SHC2: variants seen among roughly 807,000 people sequenced by gnomAD.
The protein encoded by SHC2 is SHC-transforming protein 2.
In SHC2, 62 loss-of-function variants were observed where a neutral mutation model predicts 60.6. That is an observed-to-expected ratio of 1.02 (90% CI 0.83 to 1.26). The LOEUF is 1.26. Among genes scored for constraint, SHC2 ranks in the 50% most tolerant of loss-of-function variants. The pLI is 0.00. For synonymous variants in SHC2, 375 were observed against 372.4 expected (o/e 1.01, Z -0.08); for missense variants, 873 against 822.2 (o/e 1.06, Z -0.76).
rs992357870 is a variant in SHC2 at position 422,446 on chromosome 19, C to T, written c.1320G>A (p.Glu440=). ...KKDLFDMRPF[E]DALKLHECSV... is the part of the protein sequence containing the mutation. The stretch of plus-strand genomic sequence containing the variant: ...AGCACTCATGCAACTTCAGGGCATC[C>T]TCAAAGGGTCCTGCAGGCCAGGGAC... The change falls in exon 11 of 13, where the codon GAG becomes GAA. Residue 440 remains glutamate, a synonymous_variant. Coordinates refer to ENST00000264554, the MANE Select transcript of SHC2 (RefSeq NM_012435.3). The surrounding 1 kb of genome is among the most constrained non-coding windows in gnomAD (Gnocchi z 5.0). The T allele has an allele frequency of 1.3e-6, 2 of 1,553,556 alleles. No individual in the cohort carries two copies. Among genetic ancestry groups the T allele is most frequent in the African/African-American group, 2.7e-5 (2 of 73,810 alleles).
chr19:422,990 CAG>C lies in SHC2; in HGVS notation c.1310-536_1310-535del, dbSNP rs1405244850. On this transcript the variant is annotated intron_variant, in intron 10 of 12. Coordinates refer to ENST00000264554, the MANE Select transcript of SHC2 (RefSeq NM_012435.3). The surrounding 1 kb of genome is among the most constrained non-coding windows in gnomAD (Gnocchi z 5.0). ...GAGTGTCAGTCCCCTCATTGTCAAA[CAG>C]GGGTGGGCGTGTCCCCAGGCAGAAA... Among the ~76,000 whole-genome samples the C allele has an allele frequency of 1.3e-5, 2 of 152,210 alleles. No individual in the cohort carries two copies. Among genetic ancestry groups the C allele is most frequent in the Admixed American group, 6.5e-5 (1 of 15,282 alleles).
At chr19:456,058 C>G (rs1023859021) in intron 1 of SHC2, among the ~76,000 whole-genome samples, 9 of 152,184 alleles carry the variant, frequency 5.9e-5, no homozygotes, top group Non-Finnish European at 1.0e-4. Context: ...ACCCTCAGCC[C>G]CGGGTTCTGG....
intron 11 of SHC2, among the ~76,000 whole-genome samples, chr19:421,794 C>T (rs1214217141): frequency 3.3e-5 from 5 of 152,108 alleles, no homozygotes. Flanking sequence ...CCTGTAGTCC[C>T]AGCTACTCAG....
intron 1 of SHC2, among the ~76,000 whole-genome samples, chr19:460,093 G>A (rs762209132): frequency 1.2e-4 from 19 of 152,228 alleles, no homozygotes; most frequent in Non-Finnish European, 1.3e-4. Context: ...CTGGAATCCT[G>A]GGGTCTGTCC....
intron 1 of SHC2, among the ~76,000 whole-genome samples, chr19:449,373 A>T (rs1975123082): frequency 6.6e-6 from 1 of 151,574 alleles, no homozygotes; most frequent in Admixed American, 6.6e-5. Flanking sequence ...AAAAGAAAAA[A>T]AAAGGCAGGA....
chr19:421,283 C>A, intron 11 of SHC2, among the ~76,000 whole-genome samples: 1 of 150,542 alleles, frequency 6.6e-6, no homozygotes, highest in South Asian at 2.1e-4. Flanking sequence ...ACCTGTAATC[C>A]TAGGTACTGG....
Position 460,548 on chromosome 19 carries a change from C to G in SHC2, c.449G>C (p.Gly150Ala). The G allele has an allele frequency of 1.4e-6, 2 of 1,409,452 alleles. No individual in the cohort carries two copies. The highest frequency in any genetic ancestry group is 9.3e-7 in the Non-Finnish European group (1 of 1,076,578). The allele number at this position is 1,409,452 out of a possible 1,614,324, so 87.3% of individuals were successfully genotyped here. A position where few individuals can be genotyped will look rare whatever the true frequency, so the allele number is the denominator to read the frequency against. ...LHPDARVLGP[G>A]VSYVVRYMGC... ...ACTCACCCGCACGACGTAGGAGACCCCGGGCCCCAGGACCCTGGCGTCGGG... is the reference window on the plus strand; with the variant it reads ...ACTCACCCGCACGACGTAGGAGACCGCGGGCCCCAGGACCCTGGCGTCGGG... Residue 150 changes from glycine to alanine, a missense_variant, in exon 1 of 13, where the codon GGG becomes GCG. Physicochemically the swap from Gly to Ala is moderately conservative, Grantham distance 60. Transcript: ENST00000264554.
chr19:436,542 G>A (rs777455817), intron 5 of SHC2, 88 bp downstream of exon 5: 37 of 1,581,748 alleles, frequency 2.3e-5, no homozygotes, highest in East Asian at 1.1e-4. Flanking sequence ...CACAGGGTAC[G>A]TTAGGCGGGC....
intron 8 of SHC2, among the ~76,000 whole-genome samples, chr19:434,152 G>C (rs929962499): frequency 4.8e-5 from 7 of 146,118 alleles, no homozygotes; most frequent in African/African-American, 1.8e-4. Flanking sequence ...GCTTCATCGT[G>C]AGTGAGATAG....
Position 440,755 on chromosome 19 carries a change from G to A in SHC2, c.539+107C>T. On this transcript the variant is annotated intron_variant, in intron 2 of 12. Transcript: ENST00000264554. This position sits in a 1 kb window ranked among gnomAD's most constrained non-coding sequence, Gnocchi z 7.0. ...TGGGGGGCACCGAGGCTGCGTCCTGGGACCCCAGCGCGGCTGTCGGAGAGC... is the reference window on the plus strand; with the variant it reads ...TGGGGGGCACCGAGGCTGCGTCCTGAGACCCCAGCGCGGCTGTCGGAGAGC... 1 of 955,736 alleles carries A rather than the reference G, an allele frequency of 1.0e-6. No individual in the cohort carries two copies. Among genetic ancestry groups the A allele is most frequent in the African/African-American group, 1.6e-5 (1 of 62,736 alleles). The allele number at this position is 955,736 out of a possible 1,614,324, so 59.2% of individuals were successfully genotyped here. A position where few individuals can be genotyped will look rare whatever the true frequency, so the allele number is the denominator to read the frequency against.
At chr19:454,611 A>C (rs1025870179) in intron 1 of SHC2, among the ~76,000 whole-genome samples, 8 of 152,108 alleles carry the variant, frequency 5.3e-5, no homozygotes, top group Admixed American at 5.2e-4. Context: ...ACAGGGTGAA[A>C]CCCCATCTCT....
rs1320068979 is a variant in SHC2 at position 457,146 on chromosome 19, AC to A, written c.468+3382del. ...GCCCCGACTAGAACTCTGTCTGCAA[AC>A]CCCACCACATCAGGCCTTTGCACCA... On this transcript the variant is annotated intron_variant, in intron 1 of 12. Coordinates refer to ENST00000264554, the MANE Select transcript of SHC2 (RefSeq NM_012435.3). Among the ~76,000 whole-genome samples the A allele has an allele frequency of 2.1e-3, 260 of 124,912 alleles. 2 individuals are homozygous for A. Among genetic ancestry groups the A allele is most frequent in the African/African-American group, 3.2e-3 (96 of 29,832 alleles). 81.9% of individuals were successfully genotyped at this position (124,912 alleles called of 152,430 possible). A position where few individuals can be genotyped will look rare whatever the true frequency, so the allele number is the denominator to read the frequency against.
At chr19:434,945 G>T in intron 7 of SHC2, 80 bp from the exon 8 acceptor site, 1 of 1,439,150 alleles carries the variant, frequency 6.9e-7, no homozygotes, top group East Asian at 2.4e-5. Flanking sequence ...TTCTGGGGGA[G>T]CAGGAAATAT....
rs940149198 is a variant in SHC2, at chr19:439,038, T to TG, written c.540-9dup. On this transcript the variant is annotated splice_polypyrimidine_tract_variant and intron_variant, in intron 2 of 12. Coordinates refer to ENST00000264554, the MANE Select transcript of SHC2 (RefSeq NM_012435.3). ...AGCCGGTTGATGGCTTCCCTGGGGTTGGGAGGAGGGGGCTTAGAGAGTGTG... is the reference window on the plus strand; with the variant it reads ...AGCCGGTTGATGGCTTCCCTGGGGTTGGGGAGGAGGGGGCTTAGAGAGTGTG... 3 of 1,335,502 alleles carry TG rather than the reference T, an allele frequency of 2.2e-6. No homozygotes were observed. The African/African-American group carries it at 5.7e-5, about 25-fold the overall frequency. 82.7% of individuals were successfully genotyped at this position (1,335,502 alleles called of 1,614,324 possible). A position where few individuals can be genotyped will look rare whatever the true frequency, so the allele number is the denominator to read the frequency against.
At chr19:458,283 A>G (rs1482649194) in intron 1 of SHC2, among the ~76,000 whole-genome samples, 5 of 112,660 alleles carry the variant, frequency 4.4e-5, no homozygotes, top group Non-Finnish European at 7.2e-5. Context: ...GGGAGGCGGA[A>G]GTGGGTCCCG....
chr19:440,186 G>A lies in SHC2; in HGVS notation c.539+676C>T, dbSNP rs1974829498. Among the ~76,000 whole-genome samples, 2 of 151,984 alleles carry A rather than the reference G, an allele frequency of 1.3e-5. No homozygotes were observed. Among genetic ancestry groups the A allele is most frequent in the Admixed American group, 6.5e-5 (1 of 15,270 alleles). On this transcript the variant is annotated intron_variant, in intron 2 of 12. Coordinates refer to ENST00000264554, the MANE Select transcript of SHC2 (RefSeq NM_012435.3). This position sits in a 1 kb window ranked among gnomAD's most constrained non-coding sequence, Gnocchi z 7.0. ...AGGACAGGCCGATCCACAGAGACAG[G>A]GAGGGGATGCGTGGGTGCCGGGGCT...
intron 1 of SHC2, among the ~76,000 whole-genome samples, chr19:454,106 G>A (rs941558660): frequency 5.3e-5 from 8 of 152,188 alleles, no homozygotes; most frequent in Non-Finnish European, 5.9e-5. Context: ...CACCCAGACC[G>A]AGCTGTCCAG....
chr19:425,185 CGGGGG>C lies in SHC2; in HGVS notation c.1216_1220del (p.Pro406GlyfsTer28), dbSNP rs1255366589. 1 of 1,344,632 alleles carries C rather than the reference CGGGGG, an allele frequency of 7.4e-7. No homozygotes were observed. The highest frequency in any genetic ancestry group is 1.5e-5 in the African/African-American group (1 of 66,522). The allele number at this position is 1,344,632 out of a possible 1,614,324, so 83.3% of individuals were successfully genotyped here. ...TGACATACAGGTGCTCCTCGTGGTC[CGGGGG>C]GCCCCGGGCGTCCGCCTGCACGTAG... On this transcript the variant is annotated frameshift_variant, in exon 10 of 13. Transcript: ENST00000264554. LOFTEE classifies it high-confidence loss of function. This position sits in a 1 kb window ranked among gnomAD's most constrained non-coding sequence, Gnocchi z 4.1.
chr19:418,655 C>A (rs1974204613), intron 12 of SHC2, among the ~76,000 whole-genome samples: 1 of 152,120 alleles, frequency 6.6e-6, no homozygotes, highest in Admixed American at 6.5e-5. Flanking sequence ...CCAGGACAGG[C>A]CCATCCACAG....
Sources: allele counts gnomAD v4.1 joint callset (sites outside exome capture counted in the v4.1 genomes callset), GRCh38; gene constraint gnomAD v4.1.1; non-coding constraint Gnocchi (gnomAD v3.1); transcripts MANE v1.5; gene names NCBI Gene and HGNC (gene_info 2026-07-23, HGNC 2026-07-21).